Variants in ESRRG observed in about 807,000 individuals in gnomAD.
ESRRG encodes the protein estrogen-related receptor gamma.
A neutral mutation model predicts 44.0 loss-of-function variants in ESRRG; 13 were observed. The observed-to-expected ratio is 0.30, with a 90% CI of 0.19 to 0.47. The LOEUF is 0.47. Ranked by LOEUF, ESRRG falls within the 20% of genes least tolerant of loss-of-function variation. The pLI is 1.00. For missense variants in ESRRG, 395 were observed against 580.6 expected (o/e 0.68, Z 3.29); for synonymous variants, 215 against 214.6 (o/e 1.00, Z -0.02).
chr1:216,994,054 T>C (rs919020892), intron 1 of ESRRG, among the ~76,000 whole-genome samples: 6 of 152,202 alleles, frequency 3.9e-5, no homozygotes, highest in Non-Finnish European at 2.9e-5. Flanking sequence ...TTTTAAAAAA[T>C]CTGTAAGTGC....
At chr1:217,009,954 T>C (rs944374798) in intron 1 of ESRRG, among the ~76,000 whole-genome samples, 1 of 152,044 alleles carries the variant, frequency 6.6e-6, no homozygotes, top group African/African-American at 2.4e-5. Context: ...TCCACCCACC[T>C]CGGCCTCCCA....
intron 1 of ESRRG, among the ~76,000 whole-genome samples, chr1:217,113,611 A>G (rs1245571605): frequency 9.0e-6 from 1 of 110,512 alleles, no homozygotes; most frequent in Non-Finnish European, 2.3e-5. Flanking sequence ...ACCATTTTTC[A>G]CTTGGGAAGA....
intron 2 of ESRRG, among the ~76,000 whole-genome samples, chr1:216,821,589 G>A (rs1420426825): frequency 1.3e-5 from 2 of 151,208 alleles, no homozygotes; most frequent in Non-Finnish European, 2.9e-5. Context: ...GGAGGCTGAG[G>A]TGAGAGGACG....
At chr1:216,615,961 C>T (rs973819621) in intron 3 of ESRRG, among the ~76,000 whole-genome samples, 2 of 152,122 alleles carry the variant, frequency 1.3e-5, no homozygotes, top group African/African-American at 4.8e-5. Flanking sequence ...GCTGGGATTA[C>T]AGGCGTGAGC....
chr1:216,621,776 T>C (rs1284510395), intron 3 of ESRRG, among the ~76,000 whole-genome samples: 2 of 152,202 alleles, frequency 1.3e-5, no homozygotes, highest in African/African-American at 4.8e-5. Flanking sequence ...GAAGTGATTA[T>C]TGCTCCTTCC....
intron 3 of ESRRG, among the ~76,000 whole-genome samples, chr1:216,573,033 C>G (rs1281704263): frequency 6.6e-6 from 1 of 151,882 alleles, no homozygotes. Context: ...GTAATTGTTT[C>G]TAACTACCAC....
At chr1:216,700,325 T>C (rs940971415) in intron 1 of ESRRG, among the ~76,000 whole-genome samples, 1 of 152,164 alleles carries the variant, frequency 6.6e-6, no homozygotes, top group Admixed American at 6.5e-5. Flanking sequence ...TCAGCAAATA[T>C]ACAGTAGCAA....
At chr1:216,735,726 A>G (rs1030904993) in intron 2 of ESRRG, among the ~76,000 whole-genome samples, 1 of 151,964 alleles carries the variant, frequency 6.6e-6, no homozygotes, top group South Asian at 2.1e-4. Context: ...CATGCCTGTA[A>G]TCCCAGCACT....
intron 2 of ESRRG, among the ~76,000 whole-genome samples, chr1:216,779,638 G>C (rs1465197374): frequency 7.2e-6 from 1 of 138,136 alleles, no homozygotes; most frequent in Non-Finnish European, 1.5e-5. Flanking sequence ...TTTTTAAAAA[G>C]TACTGGTTAC....
intron 2 of ESRRG, among the ~76,000 whole-genome samples, chr1:216,860,523 A>C (rs537339670): frequency 2.3e-4 from 35 of 152,140 alleles, no homozygotes; most frequent in Non-Finnish European, 3.8e-4. Context: ...AAGACACTAC[A>C]TGGAGACCTG....
chr1:216,692,376 TAA>T (rs1180227399), intron 1 of ESRRG, among the ~76,000 whole-genome samples: 2 of 143,298 alleles, frequency 1.4e-5, no homozygotes, highest in African/African-American at 2.6e-5. Context: ...GTTTAACAAG[TAA>T]AAAAAAAATC....
intron 2 of ESRRG, among the ~76,000 whole-genome samples, chr1:216,837,563 A>G (rs2148828299): frequency 6.6e-6 from 1 of 152,304 alleles, no homozygotes; most frequent in Middle Eastern, 3.4e-3. Context: ...TTTGGCTTAA[A>G]GATAGCCCAG....
chr1:216,675,982 G>A (rs1424437596), intron 2 of ESRRG, among the ~76,000 whole-genome samples: 1 of 152,118 alleles, frequency 6.6e-6, no homozygotes, highest in African/African-American at 2.4e-5. Flanking sequence ...ATTCCAATGA[G>A]CTGGCAAGCT....
At chr1:216,986,273 T>G (rs2150448582) in intron 1 of ESRRG, among the ~76,000 whole-genome samples, 1 of 152,314 alleles carries the variant, frequency 6.6e-6, no homozygotes, top group Admixed American at 6.5e-5. Context: ...TAAATTATTG[T>G]TAGTTATTCC....
intron 2 of ESRRG, among the ~76,000 whole-genome samples, chr1:216,858,909 G>A (rs2096001889): frequency 6.6e-6 from 1 of 152,182 alleles, no homozygotes; most frequent in African/African-American, 2.4e-5. Flanking sequence ...TATTGGCTCT[G>A]ACCCTAGTTG....
chr1:217,072,860 A>T (rs1385830234), intron 1 of ESRRG, among the ~76,000 whole-genome samples: 2 of 152,162 alleles, frequency 1.3e-5, no homozygotes, highest in Admixed American at 1.3e-4. Flanking sequence ...TTATTTATCT[A>T]TTAAAATGAG....
At chr1:217,056,673 C>G (rs6680670) in intron 1 of ESRRG, among the ~76,000 whole-genome samples, 1 of 150,426 alleles carries the variant, frequency 6.6e-6, no homozygotes, top group Non-Finnish European at 1.5e-5. Context: ...CTGGCCATGA[C>G]GGCAGCATAG....
intron 6 of ESRRG, among the ~76,000 whole-genome samples, chr1:216,511,887 A>T (rs1256853424): frequency 6.6e-6 from 1 of 152,218 alleles, no homozygotes. Context: ...AATCCATTAA[A>T]TATGTTTGAG....
At chr1:216,591,789 T>C (rs571566463) in intron 3 of ESRRG, among the ~76,000 whole-genome samples, 2 of 152,230 alleles carry the variant, frequency 1.3e-5, no homozygotes, top group African/African-American at 2.4e-5. Flanking sequence ...TAAATAATGA[T>C]AGCAATGGAT....
Sources: allele counts gnomAD v4.1 joint callset (sites outside exome capture counted in the v4.1 genomes callset), GRCh38; gene constraint gnomAD v4.1.1; transcripts MANE v1.5; gene names NCBI Gene and HGNC (gene_info 2026-07-23, HGNC 2026-07-21).